The following TRPS1 variants were observed in gnomAD, a reference collection of about 807,000 sequenced individuals.
TRPS1 encodes zinc finger transcription factor Trps1.
In TRPS1, 6 loss-of-function variants were observed where a neutral mutation model predicts 101.2. That is an observed-to-expected ratio of 0.06 (90% CI 0.03 to 0.12). The LOEUF is 0.12. Ranked by LOEUF, TRPS1 falls within the 10% of genes least tolerant of loss-of-function variation. The pLI, the probability that TRPS1 is intolerant of heterozygous loss-of-function variation, is 1.00. For missense variants in TRPS1, 1,363 were observed against 1,567.0 expected (o/e 0.87, Z 2.20); for synonymous variants, 578 against 589.8 (o/e 0.98, Z 0.29).
intron 4 of TRPS1, among the ~76,000 whole-genome samples, chr8:115,602,701 T>C (rs1028530827): frequency 6.6e-6 from 1 of 152,204 alleles, no homozygotes; most frequent in Non-Finnish European, 1.5e-5. Flanking sequence ...CTGTTTAATA[T>C]CATGGGATGT....
rs886897489 is a variant in TRPS1 at position 115,422,351 on chromosome 8, C to T, written c.2701-3899G>A. ...AGACACATTCAAGAAAATTCATTGT[C>T]CACTCCTACTTTCCACACTTTTTTT... On this transcript the variant is annotated intron_variant, in intron 5 of 6. Transcript: ENST00000395715. Among the ~76,000 whole-genome samples, 7 of 151,900 alleles carry T rather than the reference C, an allele frequency of 4.6e-5. No homozygotes were observed. The South Asian group carries it at 1.2e-3, about 27-fold the overall frequency.
intron 5 of TRPS1, among the ~76,000 whole-genome samples, chr8:115,557,932 G>A (rs1426711879): frequency 6.6e-6 from 1 of 152,092 alleles, no homozygotes; most frequent in Non-Finnish European, 1.5e-5. Flanking sequence ...GTCACTGACA[G>A]TAAGAGACAC....
At chr8:115,621,991 T>C (rs1818405801) in intron 2 of TRPS1, among the ~76,000 whole-genome samples, 1 of 152,078 alleles carries the variant, frequency 6.6e-6, no homozygotes, top group South Asian at 2.1e-4. Context: ...TCAATAATGT[T>C]ATTCGCCAAA....
chr8:115,641,458 C>G (rs939605330), intron 1 of TRPS1, among the ~76,000 whole-genome samples: 4 of 152,208 alleles, frequency 2.6e-5, no homozygotes, highest in Admixed American at 6.5e-5. Flanking sequence ...ACAGATTATT[C>G]TTTCAACCTA....
At chr8:115,549,882 G>A (rs1299270060) in intron 5 of TRPS1, among the ~76,000 whole-genome samples, 1 of 152,138 alleles carries the variant, frequency 6.6e-6, no homozygotes, top group Non-Finnish European at 1.5e-5. Context: ...AATGTTGCAA[G>A]AGTCTCTCCT....
chr8:115,470,012 A>T (rs1376735153), intron 5 of TRPS1, among the ~76,000 whole-genome samples: 1 of 152,162 alleles, frequency 6.6e-6, no homozygotes, highest in Non-Finnish European at 1.5e-5. Flanking sequence ...TGACAGCTTG[A>T]CTATCTCTAT....
chr8:115,542,752 A>C (rs1454854473), intron 5 of TRPS1, among the ~76,000 whole-genome samples: 1 of 152,148 alleles, frequency 6.6e-6, no homozygotes, highest in East Asian at 1.9e-4. Context: ...ACATGTTGTG[A>C]GGATTAATTA....
intron 5 of TRPS1, among the ~76,000 whole-genome samples, chr8:115,428,010 A>G (rs1178199284): frequency 6.6e-6 from 1 of 152,202 alleles, no homozygotes; most frequent in Non-Finnish European, 1.5e-5. Flanking sequence ...GCTGTGAATG[A>G]AAGTCTCTCT....
chr8:115,452,644 C>T (rs917613412), intron 5 of TRPS1, among the ~76,000 whole-genome samples: 6 of 152,092 alleles, frequency 3.9e-5, no homozygotes, highest in African/African-American at 1.2e-4. Context: ...ATGCCATTAA[C>T]TGAAATACAA....
chr8:115,448,743 G>T (rs1290670171), intron 5 of TRPS1, among the ~76,000 whole-genome samples: 1 of 152,060 alleles, frequency 6.6e-6, no homozygotes, highest in Non-Finnish European at 1.5e-5. Context: ...AATTCTACTA[G>T]ACAACTTTAT....
intron 5 of TRPS1, among the ~76,000 whole-genome samples, chr8:115,571,478 G>A (rs1348247275): frequency 6.6e-6 from 1 of 152,096 alleles, no homozygotes; most frequent in Non-Finnish European, 1.5e-5. Context: ...CTTAAAGCTT[G>A]GAAGATTTTA....
chr8:115,417,588 C>T (rs754048308), intron 6 of TRPS1, among the ~76,000 whole-genome samples: 1 of 152,066 alleles, frequency 6.6e-6, no homozygotes, highest in Non-Finnish European at 1.5e-5. Context: ...TAAGTCAAAT[C>T]CATATTCAGA....
chr8:115,512,637 C>T (rs989329081), intron 5 of TRPS1, among the ~76,000 whole-genome samples: 1 of 150,512 alleles, frequency 6.6e-6, no homozygotes, highest in Admixed American at 6.7e-5. Context: ...CCACCAACTA[C>T]TATATATATA....
rs111732428 is a variant in TRPS1, at chr8:115,438,746, C to G, written c.2701-20294G>C. ...CCCTCCCTCTCCCTGCCCCTCCTGC[C>G]TTCCTTCTCCCTCTCCCTCCCTTGT... is the stretch of plus-strand genomic sequence containing the variant. On this transcript the variant is annotated intron_variant, in intron 5 of 6. Transcript: ENST00000395715. Among the ~76,000 whole-genome samples the G allele has an allele frequency of 6.9e-3, 1,043 of 152,194 alleles. 10 individuals are homozygous for G. Among genetic ancestry groups the G allele is most frequent in the African/African-American group, 0.021 (861 of 41,536 alleles).
intron 4 of TRPS1, among the ~76,000 whole-genome samples, chr8:115,588,024 T>G (rs754860449): frequency 6.6e-6 from 1 of 152,238 alleles, no homozygotes; most frequent in Non-Finnish European, 1.5e-5. Context: ...ATCATTTAAG[T>G]CACTATTCTT....
At chr8:115,533,297 A>G (rs1816180140) in intron 5 of TRPS1, among the ~76,000 whole-genome samples, 1 of 152,168 alleles carries the variant, frequency 6.6e-6, no homozygotes, top group African/African-American at 2.4e-5. Context: ...CAAGGTCAGT[A>G]GGAAAACTAG....
chr8:115,666,846 C>T (rs1180768272), intron 1 of TRPS1, among the ~76,000 whole-genome samples: 1 of 136,544 alleles, frequency 7.3e-6, no homozygotes, highest in Non-Finnish European at 1.5e-5. Flanking sequence ...TTCTTTTGTA[C>T]TTATTATCTC....
chr8:115,631,098 A>G (rs1818631625), intron 1 of TRPS1, among the ~76,000 whole-genome samples: 2 of 152,136 alleles, frequency 1.3e-5, no homozygotes, highest in South Asian at 4.1e-4. Flanking sequence ...CACCAACATT[A>G]CCAAACTACA....
intron 5 of TRPS1, among the ~76,000 whole-genome samples, chr8:115,533,853 T>C (rs1816212091): frequency 6.6e-6 from 1 of 152,112 alleles, no homozygotes; most frequent in African/African-American, 2.4e-5. Context: ...CTCTACTTTG[T>C]GTGTGGGAGA....
Sources: gnomAD v4.1 joint callset for allele counts (sites outside exome capture counted in the v4.1 genomes callset) on GRCh38, gnomAD v4.1.1 for gene constraint, MANE v1.5 for transcripts, NCBI Gene and HGNC (gene_info 2026-07-23, HGNC 2026-07-21) for gene names.